Variants in SPSB4 observed in about 807,000 individuals in gnomAD.
SPSB4 encodes SPRY domain-containing SOCS box protein 4.
Under a neutral mutation model 20.9 loss-of-function variants are expected in SPSB4, and 21 were observed. That is an observed-to-expected ratio of 1.01 (90% CI 0.71 to 1.45). SPSB4 has a LOEUF of 1.45. Among genes scored for constraint, SPSB4 ranks in the 40% most tolerant of loss-of-function variants. SPSB4 has a pLI of 0.00. For synonymous variants in SPSB4, 207 were observed against 183.8 expected (o/e 1.13, Z -1.02); for missense variants, 399 against 399.2 (o/e 1.00, Z 0.00).
intron 1 of SPSB4, among the ~76,000 whole-genome samples, chr3:141,062,991 C>A (rs1283404285): frequency 6.7e-6 from 1 of 149,514 alleles, no homozygotes; most frequent in African/African-American, 2.6e-5. Flanking sequence ...TTACATGCCT[C>A]TGATGTGTGT....
intron 1 of SPSB4, among the ~76,000 whole-genome samples, chr3:141,063,084 G>T (rs959597677): frequency 3.3e-5 from 5 of 152,122 alleles, no homozygotes; most frequent in African/African-American, 1.2e-4. Flanking sequence ...TTCAATTGTG[G>T]ATCGCATTCT....
intron 2 of SPSB4, among the ~76,000 whole-genome samples, chr3:141,140,426 G>T (rs1939305583): frequency 1.3e-5 from 2 of 152,096 alleles, no homozygotes; most frequent in African/African-American, 4.8e-5. Flanking sequence ...AGAGTTTCCA[G>T]TTTTTCTGCT....
intron 1 of SPSB4, among the ~76,000 whole-genome samples, chr3:141,053,135 C>T (rs1936124503): frequency 6.6e-6 from 1 of 151,974 alleles, no homozygotes; most frequent in African/African-American, 2.4e-5. Context: ...CACTCTCCTC[C>T]TTGGGGGGTT....
At position 141,051,808 on chromosome 3, in the gene SPSB4, G is replaced by A. The variant is rs1354182798; in HGVS notation, c.-338G>A. ...ACTCCAGGCCATCCTGCAGCGCAGAGGGGGCGCTGCTGCCGGGCATCAGCC... is the reference window on the plus strand; with the variant it reads ...ACTCCAGGCCATCCTGCAGCGCAGAAGGGGCGCTGCTGCCGGGCATCAGCC... On this transcript the variant is annotated 5_prime_UTR_variant, in exon 1 of 3. Transcript: ENST00000310546. The A allele has an allele frequency of 6.6e-6, 1 of 152,194 alleles. No homozygotes were observed. Among genetic ancestry groups the A allele is most frequent in the South Asian group, 2.1e-4 (1 of 4,834 alleles). The allele number at this position is 152,194 out of a possible 1,614,324, so 9.4% of individuals were successfully genotyped here. A position where few individuals can be genotyped will look rare whatever the true frequency, so the allele number is the denominator to read the frequency against.
At chr3:141,110,188 A>G (rs889611172) in intron 2 of SPSB4, among the ~76,000 whole-genome samples, 3 of 151,674 alleles carry the variant, frequency 2.0e-5, no homozygotes, top group Admixed American at 6.6e-5. Context: ...TCTGTCCCCA[A>G]CCTCCCACCA....
intron 1 of SPSB4, among the ~76,000 whole-genome samples, chr3:141,057,911 A>C (rs1399747212): frequency 6.6e-6 from 1 of 152,190 alleles, no homozygotes; most frequent in Non-Finnish European, 1.5e-5. Context: ...TCTCTCGTGG[A>C]GTCTGACCCC....
At chr3:141,133,595 G>A (rs1016398224) in intron 2 of SPSB4, among the ~76,000 whole-genome samples, 3 of 152,158 alleles carry the variant, frequency 2.0e-5, no homozygotes, top group Non-Finnish European at 4.4e-5. Context: ...AGATCAGTTG[G>A]CTGTGGGTAT....
chr3:141,055,810 G>T (rs570715877), intron 1 of SPSB4, among the ~76,000 whole-genome samples: 15 of 152,298 alleles, frequency 9.8e-5, no homozygotes, highest in Middle Eastern at 3.4e-3. Flanking sequence ...TGAGAGTGTG[G>T]GTGTGCCCAT....
chr3:141,147,238 A>G lies in SPSB4; in HGVS notation c.791A>G (p.Gln264Arg), dbSNP rs752670532. Residue 264 changes from glutamine to arginine, a missense_variant, in exon 3 of 3, where the codon CAG becomes CGG. Gln to Arg is a conservative substitution (Grantham distance 43, BLOSUM62 1). Coordinates refer to ENST00000310546, the MANE Select transcript of SPSB4 (RefSeq NM_080862.3). ...LQDISSLPLP[Q>R]SLKNYLQYQ ...GACATCAGCTCCCTGCCCCTGCCTC[A>G]GTCTCTCAAAAACTATCTGCAGTAC... 1.9e-6 allele frequency: 3 copies of G among 1,614,218 alleles called. No homozygotes were observed. Among genetic ancestry groups the G allele is most frequent in the Middle Eastern group, 3.3e-4 (2 of 6,062 alleles).
intron 2 of SPSB4, among the ~76,000 whole-genome samples, chr3:141,111,273 T>G (rs1938793624): frequency 1.3e-5 from 2 of 151,852 alleles, no homozygotes; most frequent in South Asian, 4.1e-4. Context: ...TGTAGAAATA[T>G]TAAAGTGTTT....
At chr3:141,077,171 C>G (rs933860023) in intron 2 of SPSB4, 1 of 152,256 alleles carries the variant, frequency 6.6e-6, no homozygotes, top group Non-Finnish European at 1.5e-5. Context: ...GGCCCTTCTT[C>G]GTCAGATCTT....
chr3:141,061,724 CCT>C lies in SPSB4; in HGVS notation c.-153-4227_-153-4226del, dbSNP rs1339611136. On this transcript the variant is annotated intron_variant, in intron 1 of 2. Transcript: ENST00000310546. ...TTCTTCTCTTTCTTTCTTTTTCTTT[CCT>C]TTTCTTTCTTTCTTTTTTTTTTTTT... is the stretch of plus-strand genomic sequence containing the variant. 3.5e-3 allele frequency among the ~76,000 whole-genome samples: 484 copies of C among 138,040 alleles called. 4 individuals are homozygous for C. Among genetic ancestry groups the C allele is most frequent in the African/African-American group, 0.012 (464 of 37,984 alleles). The allele number at this position is 138,040 out of a possible 152,430, so 90.6% of individuals were successfully genotyped here. A position where few individuals can be genotyped will look rare whatever the true frequency, so the allele number is the denominator to read the frequency against.
chr3:141,055,997 G>C (rs1468549808), intron 1 of SPSB4, among the ~76,000 whole-genome samples: 1 of 152,228 alleles, frequency 6.6e-6, no homozygotes, highest in Non-Finnish European at 1.5e-5. Flanking sequence ...GGTCATAAGA[G>C]AAGATGCATG....
intron 2 of SPSB4, chr3:141,132,143 C>T (rs557958883): frequency 2.2e-5 from 9 of 402,912 alleles, no homozygotes; most frequent in Admixed American, 3.0e-5. Context: ...CCCACCCTTT[C>T]CCCCAGGTCC....
At chr3:141,120,525 A>T (rs1938950833) in intron 2 of SPSB4, among the ~76,000 whole-genome samples, 1 of 145,278 alleles carries the variant, frequency 6.9e-6, no homozygotes, top group African/African-American at 2.9e-5. Flanking sequence ...AAAGTCTCCC[A>T]TTATTATTGT....
chr3:141,109,184 T>G (rs922258343), intron 2 of SPSB4, among the ~76,000 whole-genome samples: 4 of 152,182 alleles, frequency 2.6e-5, no homozygotes, highest in Non-Finnish European at 4.4e-5. Context: ...CAGATTCTTG[T>G]GTATTCTAAG....
At chr3:141,112,215 T>C (rs189571404) in intron 2 of SPSB4, among the ~76,000 whole-genome samples, 3 of 152,304 alleles carry the variant, frequency 2.0e-5, no homozygotes, top group Admixed American at 2.0e-4. Flanking sequence ...CCAAGGGTTG[T>C]TATGAGGATT....
At chr3:141,067,566 C>T (rs1937914082) in intron 2 of SPSB4, among the ~76,000 whole-genome samples, 1 of 152,244 alleles carries the variant, frequency 6.6e-6, no homozygotes, top group Admixed American at 6.5e-5. Flanking sequence ...CTGGGGTTGA[C>T]CCCTGACAAC....
chr3:141,082,906 G>A (rs192383720), intron 2 of SPSB4, among the ~76,000 whole-genome samples: 86 of 150,166 alleles, frequency 5.7e-4, no homozygotes, highest in South Asian at 2.3e-3. Context: ...TATCTGAAAC[G>A]CTCTACGCCA....
Sources: allele counts gnomAD v4.1 joint callset (sites outside exome capture counted in the v4.1 genomes callset), GRCh38; gene constraint gnomAD v4.1.1; transcripts MANE v1.5; gene names NCBI Gene and HGNC (gene_info 2026-07-23, HGNC 2026-07-21).